The following MIIP variants were observed in gnomAD, a reference collection of about 807,000 sequenced individuals.
MIIP encodes the protein migration and invasion inhibitory protein, also known as migration and invasion-inhibitory protein.
A neutral mutation model predicts 44.8 loss-of-function variants in MIIP; 44 were observed. The observed-to-expected ratio is 0.98, with a 90% CI of 0.77 to 1.26. MIIP has a LOEUF of 1.26. Ranked by LOEUF, MIIP falls within the 50% of genes most tolerant of loss-of-function variation. MIIP has a pLI of 0.00. For missense variants in MIIP, 496 were observed against 511.7 expected, an observed-to-expected ratio of 0.97 and a Z score of 0.30; for synonymous variants, 225 against 218.3, an observed-to-expected ratio of 1.03 and a Z score of -0.27.
Position 12,030,168 on chromosome 1 carries a change from G to C in MIIP, c.942+44G>C, listed in dbSNP as rs576774430. 101 of 1,572,596 alleles carry C rather than the reference G, an allele frequency of 6.4e-5. No individual in the cohort carries two copies. The South Asian group carries it at 1.0e-3, about 16-fold the overall frequency. On this transcript the variant is annotated intron_variant, in intron 8 of 9. Coordinates refer to ENST00000235332, the MANE Select transcript of MIIP (RefSeq NM_021933.4). ...CTGGATGGTGATGAGGGCGGGGCTG[G>C]CTCAGACTGGCCCAGATCCCCAGGG...
Position 12,022,330 on chromosome 1 carries a change from T to C in MIIP, c.350T>C (p.Leu117Pro). The part of the protein sequence containing the change: ...GRPRPHSAPS[L>P]GTSSLRDPEP... ...CCGAGACCCCACTCAGCACCCTCGC[T>C]GGGCACCTCAAGCCTGAGGGACCCA... The change falls in exon 3 of 10, where the codon CTG becomes CCG. Residue 117 changes from leucine (L) to proline (P), a missense_variant. By Grantham distance (98) the Leu-to-Pro change is moderately conservative. Transcript: ENST00000235332. 3.1e-6 allele frequency: 5 copies of C among 1,613,606 alleles called. No individual in the cohort carries two copies. The highest frequency in any genetic ancestry group is 4.2e-6 in the Non-Finnish European group (5 of 1,179,954).
At chr1:12,021,559 G>C in intron 1 of MIIP, 86 bp from the exon 2 acceptor site, 1 of 615,610 alleles carries the variant, frequency 1.6e-6, no homozygotes, top group Admixed American at 2.8e-5. Flanking sequence ...CTTGCCTGAG[G>C]CAGTACAGTT....
At position 12,022,058 on chromosome 1, in the gene MIIP, G is replaced by A. The variant is rs1236728476; in HGVS notation, c.115-37G>A. On this transcript the variant is annotated intron_variant, in intron 2 of 9. Transcript: ENST00000235332. ...GCGTAGGCCCGGTGGGTAGGTTCTG[G>A]CAGCCACTCCCTGGGTGACCCGGCC... The A allele has an allele frequency of 3.1e-6, 5 of 1,594,780 alleles. No homozygotes were observed. The African/African-American group carries it at 6.7e-5, about 21-fold the overall frequency.
intron 4 of MIIP, among the ~76,000 whole-genome samples, chr1:12,027,542 C>G (rs975863711): frequency 7.9e-5 from 12 of 152,164 alleles, no homozygotes; most frequent in Non-Finnish European, 1.6e-4. Context: ...TCCCAGGCTT[C>G]TGGGGAAGGA....
chr1:12,023,486 C>T (rs895483821), intron 4 of MIIP, among the ~76,000 whole-genome samples: 10 of 151,414 alleles, frequency 6.6e-5, no homozygotes, highest in African/African-American at 2.2e-4. Flanking sequence ...TCACTGCAAG[C>T]CCCGCCTCCC....
chr1:12,031,361 C>T lies in MIIP; in HGVS notation c.1038C>T (p.Ala346=), dbSNP rs1230851386. The change falls in exon 9 of 10, where the codon GCC becomes GCT. Residue 346 remains alanine, a synonymous_variant. Transcript: ENST00000235332. ...TCTGGTCCTCTGTCTCCGCTGAGGCCCAGCACCAGAAGCTGTCCGGCACCA... is the reference window on the plus strand; with the variant it reads ...TCTGGTCCTCTGTCTCCGCTGAGGCTCAGCACCAGAAGCTGTCCGGCACCA... ...LDLWSSVSAE[A]QHQKLSGTSS... The T allele has an allele frequency of 6.2e-7, 1 of 1,613,810 alleles. No homozygotes were observed. The highest frequency in any genetic ancestry group is 2.2e-5 in the East Asian group (1 of 44,898).
At chr1:12,028,336 G>A (rs978418149) in intron 4 of MIIP, among the ~76,000 whole-genome samples, 1 of 152,178 alleles carries the variant, frequency 6.6e-6, no homozygotes, top group Non-Finnish European at 1.5e-5. Flanking sequence ...GAGGAGTTCT[G>A]TAAAAATATG....
intron 8 of MIIP, 27 bp downstream of exon 8, chr1:12,030,151 T>G (rs1359884792): frequency 1.2e-6 from 2 of 1,605,426 alleles, no homozygotes; most frequent in Non-Finnish European, 8.5e-7. Flanking sequence ...GGCTGGATGG[T>G]GATGAGGGCG....
chr1:12,028,675 G>GTTTT, intron 4 of MIIP: 1 of 184,146 alleles, frequency 5.4e-6, no homozygotes, highest in Non-Finnish European at 1.1e-5. Flanking sequence ...TGTATCACGG[G>GTTTT]TTTTTTTTTT....
rs369958852 is a variant in MIIP at position 12,021,719 on chromosome 1, G to A, written c.-8G>A. ...GGGGCAAGTGACACCTGCTGAGAGA[G>A]GCCCAGGATGGTGGAGGCTGAGGAA... On this transcript the variant is annotated 5_prime_UTR_variant, in exon 2 of 10. Coordinates refer to ENST00000235332, the MANE Select transcript of MIIP (RefSeq NM_021933.4). 19 of 1,611,900 alleles carry A rather than the reference G, an allele frequency of 1.2e-5. No individual in the cohort carries two copies. In the African/African-American group the frequency reaches 2.0e-4, roughly 17 times the overall value.
intron 8 of MIIP, 110 bp downstream of exon 8, chr1:12,030,234 C>A: frequency 9.6e-7 from 1 of 1,036,870 alleles, no homozygotes; most frequent in Non-Finnish European, 1.5e-6. Flanking sequence ...GGGTGAGCGC[C>A]CAAGTCTCTG....
chr1:12,022,786 C>T, intron 3 of MIIP, 47 bp from the exon 4 acceptor site: 1 of 1,455,132 alleles, frequency 6.9e-7, no homozygotes, highest in Non-Finnish European at 9.5e-7. Context: ...TTCCTCTGGG[C>T]CAGGCCTCTT....
intron 8 of MIIP, 108 bp downstream of exon 8, chr1:12,030,232 G>A (rs1640207728): frequency 3.8e-6 from 4 of 1,051,710 alleles, no homozygotes; most frequent in South Asian, 1.4e-5. Flanking sequence ...AAGGGTGAGC[G>A]CCCAAGTCTC....
Position 12,031,403 on chromosome 1 carries a change from G to C in MIIP, c.1080G>C (p.Pro360=), listed in dbSNP as rs369649412. The C allele has an allele frequency of 1.3e-5, 21 of 1,613,004 alleles. No homozygotes were observed. In the South Asian group the frequency reaches 2.2e-4, roughly 17 times the overall value. ...CCGGCACCAGCAGCCCTTTTCACCC[G>C]GTACGGTCCAGATCGCATCCTAGCC... ...KLSGTSSPFH[P]ASPMQMLPPT... is the part of the protein sequence containing the mutation. The change falls in exon 9 of 10, where the codon CCG becomes CCC. Residue 360 remains proline, a splice_region_variant and synonymous_variant. Coordinates refer to ENST00000235332, the MANE Select transcript of MIIP (RefSeq NM_021933.4).
chr1:12,029,653 T>A, intron 6 of MIIP, 112 bp from the exon 7 acceptor site: 1 of 1,452,848 alleles, frequency 6.9e-7, no homozygotes, highest in Non-Finnish European at 9.3e-7. Context: ...GCCGAAGGGC[T>A]TCCCAGAGGG....
chr1:12,022,276 A>T lies in MIIP; in HGVS notation c.296A>T (p.Lys99Ile), dbSNP rs748496731. 2 of 1,613,778 alleles carry T rather than the reference A, an allele frequency of 1.2e-6. No individual in the cohort carries two copies. The highest frequency in any genetic ancestry group is 1.7e-6 in the Non-Finnish European group (2 of 1,179,948). Residue 99 changes from lysine (K) to isoleucine (I), a missense_variant, in exon 3 of 10, where the codon AAA (lysine) becomes ATA (isoleucine). Physicochemically the swap from Lys to Ile is moderately radical, Grantham distance 102. Transcript: ENST00000235332. ...RSGVASLPPA[K>I]CQHQESLGRP... ...GGGGTGGCCTCTCTCCCACCTGCCA[A>T]ATGCCAGCACCAGGAGTCCCTGGGC...
At chr1:12,023,586 GT>G (rs926468381) in intron 4 of MIIP, among the ~76,000 whole-genome samples, 12 of 148,960 alleles carry the variant, frequency 8.1e-5, no homozygotes, top group African/African-American at 3.0e-4. Context: ...TTGTATTTTT[GT>G]TTTTTTTAGT....
In MIIP at chr1:12,021,653, G is replaced by C. The variant is rs1360277614; in HGVS notation, c.-74G>C. ...TGCTGTCTTGACTTCAGGTAGAAGAGCTGGGCCTGGAACCCAGCCCTGAGG... is the reference window on the plus strand; with the variant it reads ...TGCTGTCTTGACTTCAGGTAGAAGACCTGGGCCTGGAACCCAGCCCTGAGG... On this transcript the variant is annotated 5_prime_UTR_variant, in exon 2 of 10. Coordinates refer to ENST00000235332, the MANE Select transcript of MIIP (RefSeq NM_021933.4). 11 of 1,349,048 alleles carry C rather than the reference G, an allele frequency of 8.2e-6. No homozygotes were observed. Among genetic ancestry groups the C allele is most frequent in the Non-Finnish European group, 1.1e-5 (11 of 960,460 alleles). The allele number at this position is 1,349,048 out of a possible 1,614,324, so 83.6% of individuals were successfully genotyped here. A position where few individuals can be genotyped will look rare whatever the true frequency, so the allele number is the denominator to read the frequency against.
chr1:12,022,579 G>A, intron 3 of MIIP, 137 bp downstream of exon 3: 1 of 796,974 alleles, frequency 1.3e-6, no homozygotes, highest in Non-Finnish European at 2.0e-6. Flanking sequence ...GTTGGGTCTT[G>A]CTCAGCCTAA....
Sources: allele counts gnomAD v4.1 joint callset (sites outside exome capture counted in the v4.1 genomes callset), GRCh38; gene constraint gnomAD v4.1.1; transcripts MANE v1.5; gene names NCBI Gene and HGNC (gene_info 2026-07-23, HGNC 2026-07-21).